PKP4: variants seen among roughly 807,000 people sequenced by gnomAD.
PKP4 encodes the protein plakophilin-4.
PKP4 carries 90 observed loss-of-function variants against 145.1 expected under a neutral mutation model. The observed-to-expected ratio is 0.62, with a 90% CI of 0.52 to 0.74. PKP4 has a LOEUF of 0.74. Among genes scored for constraint, PKP4 ranks in the 30% least tolerant of loss-of-function variants. PKP4 has a pLI of 0.00. For synonymous variants in PKP4, 563 were observed against 577.2 expected, an observed-to-expected ratio of 0.98 and a Z score of 0.35; for missense variants, 1,340 against 1,482.7, an observed-to-expected ratio of 0.90 and a Z score of 1.58.
chr2:158,541,218 GT>G (rs1559297616), intron 2 of PKP4, among the ~76,000 whole-genome samples: 1 of 152,116 alleles, frequency 6.6e-6, no homozygotes. Context: ...CTATCTTCAT[GT>G]TTAAGGGCTC....
intron 7 of PKP4, among the ~76,000 whole-genome samples, chr2:158,630,294 A>T (rs188277004): frequency 6.6e-6 from 1 of 152,230 alleles, no homozygotes; most frequent in Non-Finnish European, 1.5e-5. Flanking sequence ...CATGAGTCCC[A>T]TGTGTAAACA....
chr2:158,526,310 G>T (rs1271238102), intron 1 of PKP4, among the ~76,000 whole-genome samples: 1 of 134,864 alleles, frequency 7.4e-6, no homozygotes. Context: ...TTCATCCCTG[G>T]GATGTAAGGC....
At chr2:158,559,845 C>T (rs2046372860) in intron 2 of PKP4, among the ~76,000 whole-genome samples, 1 of 151,530 alleles carries the variant, frequency 6.6e-6, no homozygotes, top group Non-Finnish European at 1.5e-5. Flanking sequence ...AAGAGCAACA[C>T]AAATGTACCC....
intron 3 of PKP4, among the ~76,000 whole-genome samples, chr2:158,598,429 C>T (rs978670676): frequency 6.6e-6 from 1 of 152,078 alleles, no homozygotes; most frequent in South Asian, 2.1e-4. Context: ...ACAGAGGAAC[C>T]AGGAGAAAAT....
chr2:158,624,674 CAA>C (rs999943180), intron 6 of PKP4, among the ~76,000 whole-genome samples: 10 of 81,184 alleles, frequency 1.2e-4, no homozygotes, highest in Non-Finnish European at 1.7e-4. Flanking sequence ...TTTAAACCAC[CAA>C]AAAAAAAAAA....
intron 20 of PKP4, among the ~76,000 whole-genome samples, chr2:158,678,165 T>C: frequency 6.6e-6 from 1 of 152,204 alleles, no homozygotes; most frequent in Non-Finnish European, 1.5e-5. Flanking sequence ...TCGAATATTG[T>C]GTTTCGCTTC....
chr2:158,647,190 T>C (rs1263962265), intron 11 of PKP4, among the ~76,000 whole-genome samples: 1 of 152,218 alleles, frequency 6.6e-6, no homozygotes, highest in East Asian at 1.9e-4. Context: ...GTTCTGCTAG[T>C]ATCATTCACA....
intron 2 of PKP4, among the ~76,000 whole-genome samples, chr2:158,544,517 C>G (rs1416120469): frequency 6.6e-6 from 1 of 151,862 alleles, no homozygotes; most frequent in African/African-American, 2.4e-5. Flanking sequence ...TCTTATCTTC[C>G]CCTCCCCCAG....
intron 2 of PKP4, among the ~76,000 whole-genome samples, chr2:158,540,022 T>C (rs533053570): frequency 3.3e-5 from 5 of 152,290 alleles, no homozygotes; most frequent in African/African-American, 1.2e-4. Flanking sequence ...CTCAAAGAAG[T>C]TGTCCTTCTC....
At position 158,662,998 on chromosome 2, in the gene PKP4, A is replaced by T; in HGVS notation, c.2313A>T (p.Leu771Phe). 1 of 1,614,044 alleles carries T rather than the reference A, an allele frequency of 6.2e-7. No homozygotes were observed. Among genetic ancestry groups the T allele is most frequent in the Non-Finnish European group, 8.5e-7 (1 of 1,179,978 alleles). The part of the protein sequence containing the change: ...RLLGLNELDD[L>F]LGKESPSKDS... ...TGGGACTGAACGAATTGGATGACTT[A>T]CTAGGAAAAGAGTCTCCCAGCAAAG... The change falls in exon 14 of 22, where the codon TTA becomes TTT. Residue 771 changes from leucine (L) to phenylalanine (F), a missense_variant. Physicochemically the swap from Leu to Phe is conservative, Grantham distance 22. Coordinates refer to ENST00000389759, the MANE Select transcript of PKP4 (RefSeq NM_003628.6).
chr2:158,625,078 T>C lies in PKP4; in HGVS notation c.804T>C (p.Ala268=). The C allele has an allele frequency of 1.9e-6, 3 of 1,614,200 alleles. No homozygotes were observed. Among genetic ancestry groups the C allele is most frequent in the Non-Finnish European group, 1.7e-6 (2 of 1,180,028 alleles). Residue 268 remains alanine, a synonymous_variant, in exon 7 of 22, where the codon GCT becomes GCC. Transcript: ENST00000389759. ...CATATTCCTCCACCACATTACCTGC[T>C]GCACGGGCAGCCTCTCCGTACTCAC... ...PSAYSSTTLP[A]ARAASPYSQR...
At chr2:158,579,596 G>A (rs1027697550) in intron 3 of PKP4, among the ~76,000 whole-genome samples, 6 of 152,066 alleles carry the variant, frequency 3.9e-5, no homozygotes, top group African/African-American at 9.7e-5. Context: ...CAGATACAAA[G>A]CATGCTCATT....
intron 4 of PKP4, among the ~76,000 whole-genome samples, chr2:158,604,645 G>A (rs2050503662): frequency 6.6e-6 from 1 of 152,106 alleles, no homozygotes; most frequent in African/African-American, 2.4e-5. Flanking sequence ...AAAACAATTA[G>A]GAGTGTCAAA....
chr2:158,505,830 CT>C (rs1202809796), intron 1 of PKP4, among the ~76,000 whole-genome samples: 1 of 152,008 alleles, frequency 6.6e-6, no homozygotes, highest in African/African-American at 2.4e-5. Context: ...GGATAGAGTG[CT>C]GCTGTCCCTG....
chr2:158,516,319 A>G (rs1221756709), intron 1 of PKP4, among the ~76,000 whole-genome samples: 1 of 152,116 alleles, frequency 6.6e-6, no homozygotes, highest in African/African-American at 2.4e-5. Context: ...ATTACACTTT[A>G]AGTAACAAGA....
At chr2:158,522,996 G>A (rs1005431316) in intron 1 of PKP4, among the ~76,000 whole-genome samples, 4 of 151,552 alleles carry the variant, frequency 2.6e-5, no homozygotes, top group East Asian at 2.0e-4. Flanking sequence ...ACGGAATCTC[G>A]CTGATTGCTA....
intron 11 of PKP4, among the ~76,000 whole-genome samples, chr2:158,654,324 G>A (rs1049006313): frequency 2.6e-5 from 4 of 152,094 alleles, no homozygotes; most frequent in Non-Finnish European, 5.9e-5. Context: ...CCTTTTTTCT[G>A]ATCAAGAATA....
intron 1 of PKP4, among the ~76,000 whole-genome samples, chr2:158,500,034 G>A (rs1696318624): frequency 6.6e-6 from 1 of 152,218 alleles, no homozygotes; most frequent in Non-Finnish European, 1.5e-5. Flanking sequence ...AGCCATGAAA[G>A]TCATCCTCAA....
At chr2:158,584,986 G>C (rs536920745) in intron 3 of PKP4, among the ~76,000 whole-genome samples, 2 of 151,874 alleles carry the variant, frequency 1.3e-5, no homozygotes, top group Non-Finnish European at 2.9e-5. Flanking sequence ...CTAAAACAAA[G>C]CCCTAAGTTT....
Sources: gnomAD v4.1 joint callset for allele counts (sites outside exome capture counted in the v4.1 genomes callset) on GRCh38, gnomAD v4.1.1 for gene constraint, MANE v1.5 for transcripts, NCBI Gene and HGNC (gene_info 2026-07-23, HGNC 2026-07-21) for gene names.